Variants in SH3GLB2 observed in about 807,000 individuals in gnomAD.
SH3GLB2 encodes the protein SH3 domain containing GRB2 like, endophilin B2, also known as endophilin-B2.
Under a neutral mutation model 48.0 loss-of-function variants are expected in SH3GLB2, and 24 were observed. The observed-to-expected ratio is 0.50, with a 90% CI of 0.36 to 0.70. SH3GLB2 has a LOEUF of 0.70. Ranked by LOEUF, SH3GLB2 falls within the 30% of genes least tolerant of loss-of-function variation. SH3GLB2 has a pLI of 0.00. For synonymous variants in SH3GLB2, 227 were observed against 207.6 expected (o/e 1.09, Z -0.80); for missense variants, 425 against 516.0 (o/e 0.82, Z 1.71).
intron 3 of SH3GLB2, among the ~76,000 whole-genome samples, chr9:129,017,316 A>G (rs960519528): frequency 2.0e-5 from 3 of 152,146 alleles, no homozygotes; most frequent in Admixed American, 6.6e-5. Flanking sequence ...AGCCTTGAAC[A>G]CTATTAACCG....
intron 5 of SH3GLB2, chr9:129,012,900 A>C: frequency 2.1e-6 from 3 of 1,408,404 alleles, no homozygotes; most frequent in Non-Finnish European, 2.9e-6. Context: ...CGGGGAGACC[A>C]GCTGCTTGCA....
intron 6 of SH3GLB2, chr9:129,010,937 T>C (rs1194013647): frequency 1.4e-5 from 8 of 568,640 alleles, no homozygotes; most frequent in African/African-American, 1.9e-5. Flanking sequence ...TGCTTATATT[T>C]CTCCTACAGT....
intron 3 of SH3GLB2, among the ~76,000 whole-genome samples, chr9:129,016,341 TTAAAAAAAAAAAAA>T (rs1341638562): frequency 5.4e-5 from 6 of 111,124 alleles, no homozygotes; most frequent in East Asian, 5.8e-4. Context: ...AAGACTGTCT[TTAAAAAAAAAAAAA>T]AAAAAAAAAA....
At chr9:129,020,189 G>A (rs1190675800) in intron 3 of SH3GLB2, among the ~76,000 whole-genome samples, 2 of 96,804 alleles carry the variant, frequency 2.1e-5, no homozygotes, top group African/African-American at 8.2e-5. Context: ...CCGGACAACA[G>A]AGCAAAACTC....
intron 3 of SH3GLB2, among the ~76,000 whole-genome samples, chr9:129,018,831 G>A (rs1394263906): frequency 2.0e-5 from 3 of 150,858 alleles, no homozygotes; most frequent in African/African-American, 7.4e-5. Flanking sequence ...GGAGGAGCTT[G>A]CAGTGAGTCG....
In SH3GLB2 at chr9:129,009,453, A is replaced by C. The variant is rs752431433; in HGVS notation, c.840-107T>G. On this transcript the variant is annotated intron_variant, in intron 9 of 10. Transcript: ENST00000372564. ...CCCCACTCCAGCCCCGGCTACTCACATGGCACCCTGGGAGCTGGCAGCACA... is the reference window on the plus strand; with the variant it reads ...CCCCACTCCAGCCCCGGCTACTCACCTGGCACCCTGGGAGCTGGCAGCACA... 1.4e-5 allele frequency: 22 copies of C among 1,549,660 alleles called. No individual in the cohort carries two copies. In the South Asian group the frequency reaches 2.6e-4, roughly 18 times the overall value.
chr9:129,023,943 G>A (rs534117768), intron 1 of SH3GLB2, among the ~76,000 whole-genome samples: 3 of 152,294 alleles, frequency 2.0e-5, no homozygotes, highest in East Asian at 3.9e-4. Context: ...AGTCCTTTGA[G>A]GGGGGTGGCG....
intron 1 of SH3GLB2, among the ~76,000 whole-genome samples, chr9:129,023,808 C>CCAGCTGCT (rs952602480): frequency 3.3e-5 from 5 of 152,146 alleles, no homozygotes; most frequent in African/African-American, 9.7e-5. Flanking sequence ...CTGCCTGGGG[C>CCAGCTGCT]CAGCTGCTCC....
chr9:129,009,072 C>T (rs765111928), intron 10 of SH3GLB2, 34 bp downstream of exon 10: 13 of 1,602,868 alleles, frequency 8.1e-6, no homozygotes, highest in Non-Finnish European at 1.1e-5. Context: ...CTCACCCAGC[C>T]CATTCCTGCC....
intron 5 of SH3GLB2, chr9:129,012,538 G>A: frequency 2.4e-6 from 1 of 421,242 alleles, no homozygotes. Flanking sequence ...GAGCTCAGGA[G>A]AGCAAATGCG....
At position 129,021,111 on chromosome 9, in the gene SH3GLB2, A is replaced by G; in HGVS notation, c.314T>C (p.Leu105Pro). Residue 105 changes from leucine (L) to proline (P), a missense_variant, in exon 3 of 11, where the codon CTG becomes CCG. Physicochemically the swap from Leu to Pro is moderately conservative, Grantham distance 98. Coordinates refer to ENST00000372564, the MANE Select transcript of SH3GLB2 (RefSeq NM_020145.4). The part of the protein sequence containing the change: ...AQYMADAASE[L>P]GPTTPYGKTL... ...CTCACCATAGGGGGTGGTCGGCCCC[A>G]GCTCACTGGCCGCGTCTGCCATGTA... is the stretch of plus-strand genomic sequence containing the variant. 6.2e-7 allele frequency: 1 copy of G among 1,610,752 alleles called. No individual in the cohort carries two copies. Among genetic ancestry groups the G allele is most frequent in the Non-Finnish European group, 8.5e-7 (1 of 1,178,684 alleles).
chr9:129,018,841 G>C (rs1329023746), intron 3 of SH3GLB2, among the ~76,000 whole-genome samples: 1 of 139,280 alleles, frequency 7.2e-6, no homozygotes, highest in African/African-American at 2.7e-5. Context: ...GCAGTGAGTC[G>C]AGATTGTGCC....
chr9:129,014,185 G>A lies in SH3GLB2; in HGVS notation c.561+226C>T, dbSNP rs569992983. On this transcript the variant is annotated intron_variant, in intron 5 of 10. Transcript: ENST00000372564. The surrounding 1 kb of genome is among the most constrained non-coding windows in gnomAD (Gnocchi z 4.1). ...GTGCACCCAGCTGGGGGCACTGCTG[G>A]TCCGCCCACACCGTAGATATCTCCC... is the stretch of plus-strand genomic sequence containing the variant. Among the ~76,000 whole-genome samples, 1 of 152,080 alleles carries A rather than the reference G, an allele frequency of 6.6e-6. No homozygotes were observed. Among genetic ancestry groups the A allele is most frequent in the Non-Finnish European group, 1.5e-5 (1 of 67,992 alleles).
chr9:129,013,024 G>A, intron 5 of SH3GLB2: 1 of 1,551,200 alleles, frequency 6.4e-7, no homozygotes, highest in Non-Finnish European at 8.7e-7. Context: ...CTCACACTGA[G>A]CCAAGTTACC....
intron 3 of SH3GLB2, among the ~76,000 whole-genome samples, chr9:129,016,065 G>A (rs764758281): frequency 6.6e-5 from 10 of 152,176 alleles, no homozygotes; most frequent in African/African-American, 1.9e-4. Flanking sequence ...AGGCAAGGCC[G>A]GGCGCAGTGG....
intron 2 of SH3GLB2, among the ~76,000 whole-genome samples, chr9:129,021,566 C>T (rs1843798959): frequency 6.6e-6 from 1 of 151,838 alleles, no homozygotes; most frequent in Non-Finnish European, 1.5e-5. Context: ...CCCTCCTTTC[C>T]CCGGAAGTCC....
chr9:129,022,338 T>C lies in SH3GLB2; in HGVS notation c.149A>G (p.Lys50Arg). Residue 50 changes from lysine (K) to arginine (R), a missense_variant, in exon 2 of 11, where the codon AAG becomes AGG. Lys to Arg is a conservative substitution (Grantham distance 26). Coordinates refer to ENST00000372564, the MANE Select transcript of SH3GLB2 (RefSeq NM_020145.4). Reference sequence around the variant, plus strand: ...CCTCAAGATCTTCTCTGTCCAGTTCTTGGTGCTGTCTGCCCGGGCCAGAAG... The same window carrying C: ...CCTCAAGATCTTCTCTGTCCAGTTCCTGGTGCTGTCTGCCCGGGCCAGAAG... ...ENLLARADST[K>R]NWTEKILRQT... The C allele has an allele frequency of 6.2e-7, 1 of 1,614,204 alleles. No individual in the cohort carries two copies. The highest frequency in any genetic ancestry group is 8.5e-7 in the Non-Finnish European group (1 of 1,180,042).
At chr9:129,012,015 G>A in intron 6 of SH3GLB2, 1 of 396,430 alleles carries the variant, frequency 2.5e-6, no homozygotes, top group Non-Finnish European at 4.4e-6. Flanking sequence ...GTTTTGCAGA[G>A]GGAAACAAGT....
At chr9:129,024,247 T>G (rs1340533845) in intron 1 of SH3GLB2, among the ~76,000 whole-genome samples, 1 of 83,564 alleles carries the variant, frequency 1.2e-5, no homozygotes, top group African/African-American at 4.9e-5. Flanking sequence ...CCGTGAGACC[T>G]CCTCTCTACA....
Sources: gnomAD v4.1 joint callset for allele counts (sites outside exome capture counted in the v4.1 genomes callset) on GRCh38, gnomAD v4.1.1 for gene constraint, Gnocchi (gnomAD v3.1) non-coding constraint, MANE v1.5 for transcripts, NCBI Gene and HGNC (gene_info 2026-07-23, HGNC 2026-07-21) for gene names.